Variants in FSTL3 observed in about 807,000 individuals in gnomAD.
FSTL3 encodes the protein follistatin like 3.
In FSTL3, 21 loss-of-function variants were observed where a neutral mutation model predicts 28.1. The ratio of observed to expected loss-of-function variants is 0.75; its 90% CI spans 0.53 to 1.08. The LOEUF (loss-of-function observed/expected upper bound fraction) is 1.08. Ranked by LOEUF, FSTL3 falls within the 50% of genes least tolerant of loss-of-function variation. The pLI is 0.00. For synonymous variants in FSTL3, 199 were observed against 164.2 expected (o/e 1.21, Z -1.62); for missense variants, 400 against 380.9 (o/e 1.05, Z -0.42).
In FSTL3 at chr19:681,656, C is replaced by T. The variant is rs1330975741; in HGVS notation, c.740C>T (p.Pro247Leu). ...CTCTTATCGACCCTTGCAGGCACCC[C>T]TGAGGAGCCGCCAGGTGGTGAGTCT... ...VRHAGSCAGTPEEPPGGESAE... is the reference protein window; with the variant it reads ...VRHAGSCAGTLEEPPGGESAE... The change falls in exon 5 of 5, where the codon CCT becomes CTT. Residue 247 changes from proline (P) to leucine (L), a missense_variant. Physicochemically the swap from Pro to Leu is moderately conservative, Grantham distance 98. Transcript: ENST00000166139. 3.8e-6 allele frequency: 6 copies of T among 1,577,502 alleles called. No individual in the cohort carries two copies. Among genetic ancestry groups the T allele is most frequent in the Admixed American group, 3.7e-5 (2 of 54,248 alleles).
At chr19:679,867 A>G (rs997002197) in intron 2 of FSTL3, among the ~76,000 whole-genome samples, 5 of 152,116 alleles carry the variant, frequency 3.3e-5, no homozygotes, top group Non-Finnish European at 7.4e-5. Context: ...AGGGCGGAAC[A>G]CCCCAGGCTG....
rs2031344190 is a variant in FSTL3 at position 681,861 on chromosome 19, T to G, written c.*153T>G. On this transcript the variant is annotated 3_prime_UTR_variant, in exon 5 of 5. Transcript: ENST00000166139. ...TCCCAGAACCTCCCTGACGATATCC[T>G]GGAAGGACTGAGGAAGGGAGGCCTG... The G allele has an allele frequency of 7.0e-6, 5 of 713,084 alleles. No homozygotes were observed. The South Asian group carries it at 8.4e-5, about 12-fold the overall frequency. 44.2% of individuals were successfully genotyped at this position (713,084 alleles called of 1,614,324 possible). A position where few individuals can be genotyped will look rare whatever the true frequency, so the allele number is the denominator to read the frequency against.
chr19:679,173 C>A (rs1181568137), intron 2 of FSTL3, among the ~76,000 whole-genome samples: 1 of 152,086 alleles, frequency 6.6e-6, no homozygotes, highest in African/African-American at 2.4e-5. Flanking sequence ...GGCCCAGGAC[C>A]CCCCACCCCC....
In FSTL3 at chr19:681,736, C is replaced by A. The variant is rs1249240595; in HGVS notation, c.*28C>A. On this transcript the variant is annotated 3_prime_UTR_variant, in exon 5 of 5. Transcript: ENST00000166139. ...CTGCAGGACAGGCCTGGGCCTGGTGCCCGAGGCCCCCCATCATCCCCTGTT... is the reference window on the plus strand; with the variant it reads ...CTGCAGGACAGGCCTGGGCCTGGTGACCGAGGCCCCCCATCATCCCCTGTT... The A allele has an allele frequency of 6.6e-7, 1 of 1,526,464 alleles. No individual in the cohort carries two copies. Among genetic ancestry groups the A allele is most frequent in the East Asian group, 2.4e-5 (1 of 40,896 alleles). The allele number at this position is 1,526,464 out of a possible 1,614,324, so 94.6% of individuals were successfully genotyped here.
intron 3 of FSTL3, 81 bp downstream of exon 3, chr19:680,570 T>A: frequency 1.2e-6 from 1 of 819,982 alleles, no homozygotes; most frequent in Non-Finnish European, 1.6e-6. Flanking sequence ...GCTGCCGCAG[T>A]AGGCGGGGGC....
intron 2 of FSTL3, among the ~76,000 whole-genome samples, chr19:679,511 C>A (rs1419333330): frequency 6.6e-6 from 1 of 152,240 alleles, no homozygotes; most frequent in African/African-American, 2.4e-5. Context: ...GTCCTGGCTG[C>A]AGCTTTCAAA....
In FSTL3 at chr19:681,665, C is replaced by G. The variant is rs960371196; in HGVS notation, c.749C>G (p.Pro250Arg). The G allele has an allele frequency of 1.3e-6, 2 of 1,574,256 alleles. No individual in the cohort carries two copies. The highest frequency in any genetic ancestry group is 1.7e-6 in the Non-Finnish European group (2 of 1,160,172). Residue 250 changes from proline to arginine, a missense_variant, in exon 5 of 5, where the codon CCG becomes CGG. By Grantham distance (103) the Pro-to-Arg change is moderately radical. Coordinates refer to ENST00000166139, the MANE Select transcript of FSTL3 (RefSeq NM_005860.3). ...ACCCTTGCAGGCACCCCTGAGGAGC[C>G]GCCAGGTGGTGAGTCTGCAGAAGAG... Reference protein sequence around the residue: ...AGSCAGTPEEPPGGESAEEEE... With the variant: ...AGSCAGTPEERPGGESAEEEE...
In FSTL3 at chr19:682,036, T is replaced by G; in HGVS notation, c.*328T>G. On this transcript the variant is annotated 3_prime_UTR_variant, in exon 5 of 5. Coordinates refer to ENST00000166139, the MANE Select transcript of FSTL3 (RefSeq NM_005860.3). ...CTCCTTTGGGGATAAACCTATTAAT[T>G]ATTGCTACTATCAAGAGGGCTGGGC... 1 of 461,020 alleles carries G rather than the reference T, an allele frequency of 2.2e-6. No individual in the cohort carries two copies. The highest frequency in any genetic ancestry group is 4.0e-6 in the Non-Finnish European group (1 of 250,668). 28.6% of individuals were successfully genotyped at this position (461,020 alleles called of 1,614,324 possible).
At chr19:678,645 G>C (rs766605884) in intron 2 of FSTL3, among the ~76,000 whole-genome samples, 17 of 151,880 alleles carry the variant, frequency 1.1e-4, no homozygotes, top group Non-Finnish European at 1.8e-4. Flanking sequence ...CCAGGGGCTG[G>C]GACTGCAGGC....
chr19:678,153 C>T (rs2058085645), intron 2 of FSTL3, 176 bp downstream of exon 2: 3 of 626,512 alleles, frequency 4.8e-6, no homozygotes, highest in South Asian at 2.0e-5. Flanking sequence ...TTCCCAGGCT[C>T]CAGCCTCTTG....
chr19:677,752 A>C, intron 1 of FSTL3, 40 bp from the exon 2 acceptor site: 1 of 1,557,512 alleles, frequency 6.4e-7, no homozygotes, highest in Non-Finnish European at 8.7e-7. Flanking sequence ...GCTGGGTGTC[A>C]GGAGTGGCCC....
At chr19:679,963 G>A (rs1188999663) in intron 2 of FSTL3, 5 of 210,026 alleles carry the variant, frequency 2.4e-5, no homozygotes, top group South Asian at 1.9e-4. Context: ...AGCGGCCCGG[G>A]GCTGCGTAGC....
At chr19:681,276 C>T (rs915221015) in intron 3 of FSTL3, 57 bp from the exon 4 acceptor site, 41 of 1,291,236 alleles carry the variant, frequency 3.2e-5, no homozygotes, top group Non-Finnish European at 4.0e-5. Context: ...GGGCCAAGAG[C>T]CCTGCGGGGT....
At chr19:676,906 A>C (rs1302847254) in intron 1 of FSTL3, among the ~76,000 whole-genome samples, 1 of 64,776 alleles carries the variant, frequency 1.5e-5, no homozygotes, top group African/African-American at 3.1e-5. Flanking sequence ...CCTGGTGCCG[A>C]GAGGTAGTGC....
chr19:678,610 A>AGAG (rs2031263337), intron 2 of FSTL3, among the ~76,000 whole-genome samples: 2 of 142,228 alleles, frequency 1.4e-5, no homozygotes, highest in African/African-American at 5.3e-5. Flanking sequence ...TCCGAGGTTC[A>AGAG]GGTGATTCTC....
Position 682,120 on chromosome 19 carries a change from G to C in FSTL3, c.*412G>C, listed in dbSNP as rs1462573457. The C allele has an allele frequency of 2.5e-6, 1 of 394,252 alleles. No homozygotes were observed. Among genetic ancestry groups the C allele is most frequent in the Non-Finnish European group, 4.8e-6 (1 of 209,666 alleles). The allele number at this position is 394,252 out of a possible 1,614,324, so 24.4% of individuals were successfully genotyped here. On this transcript the variant is annotated 3_prime_UTR_variant, in exon 5 of 5. Coordinates refer to ENST00000166139, the MANE Select transcript of FSTL3 (RefSeq NM_005860.3). ...TGCTTTTCTCAGCCCCAAGCCTCTA[G>C]TCTGGGTGTGTACGGAGGGTCTAGC...
Position 681,593 on chromosome 19 carries a change from C to G in FSTL3, c.733+33C>G, listed in dbSNP as rs372400894. On this transcript the variant is annotated intron_variant, in intron 4 of 4. Coordinates refer to ENST00000166139, the MANE Select transcript of FSTL3 (RefSeq NM_005860.3). The stretch of plus-strand genomic sequence containing the variant: ...CGCAGGGCGGGGGCACAGGCCTGTC[C>G]TGGGGGCCGGAGAACCCCCTGCCCT... The G allele has an allele frequency of 2.8e-5, 44 of 1,597,630 alleles. 1 individual carries two copies. The highest frequency in any genetic ancestry group is 1.2e-4 in the African/African-American group (9 of 74,752).
At position 682,624 on chromosome 19, in the gene FSTL3, C is replaced by T. The variant is rs376614890; in HGVS notation, c.*916C>T. ...CCAGTGTGCCCCCTGGGAAAGGGCA[C>T]GGCCTGTGCTCCTGACACGGGCTGT... On this transcript the variant is annotated 3_prime_UTR_variant, in exon 5 of 5. Transcript: ENST00000166139. 9.0e-5 allele frequency: 21 copies of T among 233,426 alleles called. No homozygotes were observed. Among genetic ancestry groups the T allele is most frequent in the African/African-American group, 3.5e-4 (16 of 45,342 alleles). 14.5% of individuals were successfully genotyped at this position (233,426 alleles called of 1,614,324 possible).
chr19:676,526 G>T lies in FSTL3; in HGVS notation c.103G>T (p.Gly35Cys). ...SSMGSGNPAP[G>C]GVCWLQQGQE... Reference sequence around the variant, plus strand: ...CATGGGCTCGGGGAACCCCGCGCCCGGTGAGTGGGGCGGCCAGAGGGGCGG... The same window carrying T: ...CATGGGCTCGGGGAACCCCGCGCCCTGTGAGTGGGGCGGCCAGAGGGGCGG... The change falls in exon 1 of 5, where the codon GGT (glycine) becomes TGT (cysteine). Residue 35 changes from glycine (G) to cysteine (C), a missense_variant and splice_region_variant. Gly to Cys is a radical substitution (Grantham distance 159, BLOSUM62 -3). Coordinates refer to ENST00000166139, the MANE Select transcript of FSTL3 (RefSeq NM_005860.3). 11 of 1,113,596 alleles carry T rather than the reference G, an allele frequency of 9.9e-6. No homozygotes were observed. Among genetic ancestry groups the T allele is most frequent in the Non-Finnish European group, 1.2e-5 (11 of 896,028 alleles). The allele number at this position is 1,113,596 out of a possible 1,614,324, so 69.0% of individuals were successfully genotyped here. A position where few individuals can be genotyped will look rare whatever the true frequency, so the allele number is the denominator to read the frequency against.
Sources: gnomAD v4.1 joint callset for allele counts (sites outside exome capture counted in the v4.1 genomes callset) on GRCh38, gnomAD v4.1.1 for gene constraint, MANE v1.5 for transcripts, NCBI Gene and HGNC (gene_info 2026-07-23, HGNC 2026-07-21) for gene names.